TGFBR3: variants seen among roughly 807,000 people sequenced by gnomAD.
The protein encoded by TGFBR3 is transforming growth factor beta receptor 3, also known as transforming growth factor beta receptor type 3.
A neutral mutation model predicts 87.9 loss-of-function variants in TGFBR3; 46 were observed. The observed-to-expected ratio is 0.52, with a 90% confidence interval of 0.41 to 0.67. The LOEUF (loss-of-function observed/expected upper bound fraction) is 0.67, where lower values mean the gene tolerates loss of function less well. Among genes scored for constraint, TGFBR3 ranks in the 30% least tolerant of loss-of-function variants. TGFBR3 has a pLI of 0.00. For synonymous variants in TGFBR3, 381 were observed against 391.6 expected (o/e 0.97, Z 0.32); for missense variants, 866 against 1,041.9 (o/e 0.83, Z 2.32).
chr1:91,868,016 CA>C (rs1379675574), intron 1 of TGFBR3, among the ~76,000 whole-genome samples: 1 of 152,184 alleles, frequency 6.6e-6, no homozygotes, highest in African/African-American at 2.4e-5. Context: ...CCTTTGGGTT[CA>C]AGCAATTCTC....
chr1:91,768,656 C>T (rs982718520), intron 3 of TGFBR3, among the ~76,000 whole-genome samples: 3 of 152,172 alleles, frequency 2.0e-5, no homozygotes, highest in Admixed American at 6.5e-5. Flanking sequence ...GCCCTTCACT[C>T]TCTCTTCCTC....
At position 91,729,945 on chromosome 1, in the gene TGFBR3, T is replaced by C. The variant is rs763685958; in HGVS notation, c.597A>G (p.Ile199Met). 5.0e-6 allele frequency: 8 copies of C among 1,614,046 alleles called. No individual in the cohort carries two copies. The Admixed American group carries it at 1.2e-4, about 24-fold the overall frequency. The change falls in exon 6 of 17, where the codon ATA (isoleucine) becomes ATG (methionine). Residue 199 changes from isoleucine (I) to methionine (M), a missense_variant. Coordinates refer to ENST00000212355, the MANE Select transcript of TGFBR3 (RefSeq NM_003243.5). Reference protein sequence around the residue: ...EDQVFPPKCNIGKNFLSLNYL... With the variant: ...EDQVFPPKCNMGKNFLSLNYL... The stretch of plus-strand genomic sequence containing the variant: ...AATTGAGTGAGAGAAAATTCTTCCC[T>C]ATGTTGCACTTTGGAGGGAACACTT...
At chr1:91,757,272 A>T (rs1340069638) in intron 4 of TGFBR3, among the ~76,000 whole-genome samples, 4 of 152,168 alleles carry the variant, frequency 2.6e-5, no homozygotes, top group Non-Finnish European at 4.4e-5. Flanking sequence ...TTCAGGTTAT[A>T]TGCATTTCTG....
intron 1 of TGFBR3, among the ~76,000 whole-genome samples, chr1:91,868,908 T>C (rs1678483230): frequency 6.6e-6 from 1 of 152,216 alleles, no homozygotes; most frequent in Non-Finnish European, 1.5e-5. Flanking sequence ...GGTTGCCCAC[T>C]GCCGTCCAGA....
intron 3 of TGFBR3, among the ~76,000 whole-genome samples, chr1:91,780,537 G>A (rs1421077686): frequency 2.8e-5 from 4 of 143,040 alleles, no homozygotes; most frequent in Non-Finnish European, 4.5e-5. Context: ...ACTAGTTCCC[G>A]CAAGGGTCTA....
At chr1:91,823,262 A>G (rs1676517128) in intron 2 of TGFBR3, among the ~76,000 whole-genome samples, 1 of 152,206 alleles carries the variant, frequency 6.6e-6, no homozygotes, top group Non-Finnish European at 1.5e-5. Context: ...AGCAACATGG[A>G]TAGGAAATGA....
intron 2 of TGFBR3, among the ~76,000 whole-genome samples, chr1:91,807,961 T>C (rs1362011904): frequency 6.6e-6 from 1 of 152,210 alleles, no homozygotes; most frequent in African/African-American, 2.4e-5. Flanking sequence ...ATAAAGTCCC[T>C]TGAGGGGAAG....
At chr1:91,843,614 T>C (rs1301902964) in intron 2 of TGFBR3, among the ~76,000 whole-genome samples, 1 of 152,226 alleles carries the variant, frequency 6.6e-6, no homozygotes, top group Admixed American at 6.5e-5. Flanking sequence ...CTGGTTTATA[T>C]GCATTATCTC....
Position 91,734,780 on chromosome 1 carries a change from C to T in TGFBR3, c.564G>A (p.Gly188=), listed in dbSNP as rs775446469. 4.6e-5 allele frequency: 74 copies of T among 1,614,092 alleles called. No homozygotes were observed. The highest frequency in any genetic ancestry group is 6.0e-5 in the Non-Finnish European group (71 of 1,180,018). The change falls in exon 5 of 17, where the codon GGG becomes GGA. Residue 188 remains glycine, a synonymous_variant. Coordinates refer to ENST00000212355, the MANE Select transcript of TGFBR3 (RefSeq NM_003243.5). The part of the protein sequence containing the change: ...KIARNIYIKV[G]EDQVFPPKCN... ...CTGAAGCCACATAAAATTTACCTTC[C>T]CCCACTTTAATATAAATGTTTCTTG...
At chr1:91,904,404 T>G (rs1223348984) in intron 1 of TGFBR3, among the ~76,000 whole-genome samples, 1 of 150,018 alleles carries the variant, frequency 6.7e-6, no homozygotes, top group Non-Finnish European at 1.5e-5. Context: ...TTACTAAACC[T>G]AAAATTCTTT....
At chr1:91,814,847 G>A (rs1428648921) in intron 2 of TGFBR3, among the ~76,000 whole-genome samples, 4 of 152,082 alleles carry the variant, frequency 2.6e-5, no homozygotes, top group Non-Finnish European at 2.9e-5. Flanking sequence ...TAAAACAGGC[G>A]CTCACAAAAG....
At position 91,847,472 on chromosome 1, in the gene TGFBR3, G is replaced by T. The variant is rs533125347; in HGVS notation, c.61+13999C>A. ...TACAAAATTAGCCAGGCGTGGTAGT[G>T]CATGCCTGTAATCCCAGCTACTCGG... On this transcript the variant is annotated intron_variant, in intron 2 of 16. Coordinates refer to ENST00000212355, the MANE Select transcript of TGFBR3 (RefSeq NM_003243.5). 2.0e-5 allele frequency among the ~76,000 whole-genome samples: 3 copies of T among 149,558 alleles called. No individual in the cohort carries two copies. The South Asian group carries it at 6.3e-4, about 31-fold the overall frequency.
chr1:91,770,780 C>T (rs1163424108), intron 3 of TGFBR3: 3 of 152,316 alleles, frequency 2.0e-5, no homozygotes, highest in Admixed American at 6.5e-5. Context: ...GTAACTTAAA[C>T]TGCCCCAAAC....
In TGFBR3 at chr1:91,681,083, T is replaced by C. The variant is rs1670892768; in HGVS notation, c.*2656A>G. ...AAATTAAGGGTGTAGCCTGCAGAAA[T>C]AACAAAAGACTGCAGATACAAGAGT... On this transcript the variant is annotated 3_prime_UTR_variant, in exon 17 of 17. Coordinates refer to ENST00000212355, the MANE Select transcript of TGFBR3 (RefSeq NM_003243.5). The C allele has an allele frequency of 2.2e-6, 1 of 453,918 alleles. No homozygotes were observed. Among genetic ancestry groups the C allele is most frequent in the African/African-American group, 2.0e-5 (1 of 49,996 alleles). The allele number at this position is 453,918 out of a possible 1,614,324, so 28.1% of individuals were successfully genotyped here. A position where few individuals can be genotyped will look rare whatever the true frequency, so the allele number is the denominator to read the frequency against.
intron 1 of TGFBR3, among the ~76,000 whole-genome samples, chr1:91,881,570 C>A (rs994878477): frequency 6.6e-6 from 1 of 151,972 alleles, no homozygotes; most frequent in African/African-American, 2.4e-5. Flanking sequence ...TTGAATTACT[C>A]GAGTAAACTA....
At position 91,681,323 on chromosome 1, in the gene TGFBR3, A is replaced by G; in HGVS notation, c.*2416T>C. 1 of 445,244 alleles carries G rather than the reference A, an allele frequency of 2.2e-6. No homozygotes were observed. The highest frequency in any genetic ancestry group is 4.5e-6 in the Non-Finnish European group (1 of 224,550). The allele number at this position is 445,244 out of a possible 1,614,324, so 27.6% of individuals were successfully genotyped here. A position where few individuals can be genotyped will look rare whatever the true frequency, so the allele number is the denominator to read the frequency against. On this transcript the variant is annotated 3_prime_UTR_variant, in exon 17 of 17. Coordinates refer to ENST00000212355, the MANE Select transcript of TGFBR3 (RefSeq NM_003243.5). Reference sequence around the variant, plus strand: ...ACTCTCCAATATGAGATTAGGTTTTATCGACACAGATTTCTTGATCTGAAT... The same window carrying G: ...ACTCTCCAATATGAGATTAGGTTTTGTCGACACAGATTTCTTGATCTGAAT...
chr1:91,765,557 T>C (rs959892624), intron 3 of TGFBR3, among the ~76,000 whole-genome samples: 2 of 152,098 alleles, frequency 1.3e-5, no homozygotes, highest in African/African-American at 4.8e-5. Flanking sequence ...GCCACCCTGA[T>C]CATCATCCTC....
chr1:91,716,219 T>G lies in TGFBR3; in HGVS notation c.1866+17A>C, dbSNP rs776187844. The G allele has an allele frequency of 9.9e-6, 16 of 1,613,874 alleles. No homozygotes were observed. In the Admixed American group the frequency reaches 2.5e-4, roughly 25 times the overall value. ...CAGCACTAACCTAAAAGGTCAAGGC[T>G]AACTTTCAGGTCTCACCTCAACATA... On this transcript the variant is annotated intron_variant, in intron 12 of 16. Coordinates refer to ENST00000212355, the MANE Select transcript of TGFBR3 (RefSeq NM_003243.5).
In TGFBR3 at chr1:91,820,014, T is replaced by C. The variant is rs187874630; in HGVS notation, c.62-22543A>G. ...ACAGTGAATAGCAGCACATTCTTTA[T>C]GAGATTATTATAAGACTCAAATGAG... On this transcript the variant is annotated intron_variant, in intron 2 of 16. Coordinates refer to ENST00000212355, the MANE Select transcript of TGFBR3 (RefSeq NM_003243.5). Among the ~76,000 whole-genome samples the C allele has an allele frequency of 3.0e-3, 451 of 152,316 alleles. 3 individuals are homozygous for C. The highest frequency in any genetic ancestry group is 3.1e-3 in the Non-Finnish European group (214 of 68,020).
Sources: gnomAD v4.1 joint callset for allele counts (sites outside exome capture counted in the v4.1 genomes callset) on GRCh38, gnomAD v4.1.1 for gene constraint, MANE v1.5 for transcripts, NCBI Gene and HGNC (gene_info 2026-07-23, HGNC 2026-07-21) for gene names.